The following EXT1 variants were observed in gnomAD, a reference collection of about 807,000 sequenced individuals.
EXT1 encodes the protein exostosin-1.
In EXT1, 20 loss-of-function variants were observed where a neutral mutation model predicts 82.5. The observed-to-expected ratio is 0.24, with a 90% CI of 0.17 to 0.35. The LOEUF (loss-of-function observed/expected upper bound fraction) is 0.35. Ranked by LOEUF, EXT1 falls within the 10% of genes least tolerant of loss-of-function variation. The pLI is 1.00. For missense variants in EXT1, 757 were observed against 936.5 expected (o/e 0.81, Z 2.50); for synonymous variants, 348 against 350.8 (o/e 0.99, Z 0.09).
chr8:117,900,440 TC>T (rs1023059938), intron 1 of EXT1, among the ~76,000 whole-genome samples: 10 of 152,228 alleles, frequency 6.6e-5, no homozygotes, highest in South Asian at 2.1e-4. Flanking sequence ...CTTCCTGAGT[TC>T]ATTCCAATTC....
chr8:117,806,228 T>G (rs1483243155), intron 9 of EXT1, among the ~76,000 whole-genome samples: 2 of 152,234 alleles, frequency 1.3e-5, no homozygotes, highest in Non-Finnish European at 2.9e-5. Flanking sequence ...TTATAGCCTC[T>G]TCTCAACATA....
intron 1 of EXT1, among the ~76,000 whole-genome samples, chr8:118,104,132 C>T (rs983240803): frequency 6.6e-6 from 1 of 152,168 alleles, no homozygotes; most frequent in Non-Finnish European, 1.5e-5. Flanking sequence ...GGCCTACATT[C>T]TAATCTGTAA....
intron 1 of EXT1, among the ~76,000 whole-genome samples, chr8:117,979,643 G>A (rs2129762216): frequency 6.6e-6 from 1 of 152,190 alleles, no homozygotes; most frequent in Non-Finnish European, 1.5e-5. Context: ...CCACATTTTA[G>A]TAACTAGACC....
At chr8:117,884,524 T>G (rs1381856842) in intron 1 of EXT1, among the ~76,000 whole-genome samples, 3 of 152,200 alleles carry the variant, frequency 2.0e-5, no homozygotes, top group Non-Finnish European at 2.9e-5. Flanking sequence ...AGCCACTGAT[T>G]ACAGTAAACA....
rs117339565 is a variant in EXT1, at chr8:118,072,698, C to T, written c.962+37387G>A. Among the ~76,000 whole-genome samples, 426 of 152,318 alleles carry T rather than the reference C, an allele frequency of 2.8e-3. 13 individuals carry two copies. The East Asian group carries it at 0.069, about 25-fold the overall frequency. ...TTTCTGTTCATCCAACTTAATCATA[C>T]CAACATCTTAGCTTGGCCGTGTCTT... On this transcript the variant is annotated intron_variant, in intron 1 of 10. Coordinates refer to ENST00000378204, the MANE Select transcript of EXT1 (RefSeq NM_000127.3).
intron 1 of EXT1, among the ~76,000 whole-genome samples, chr8:117,980,444 T>C (rs554712544): frequency 5.9e-5 from 9 of 152,330 alleles, no homozygotes; most frequent in African/African-American, 2.2e-4. Flanking sequence ...CCTCCAGTGA[T>C]GGGGATCCTT....
At chr8:117,954,999 ATCTCATGACTCC>A (rs1814559709) in intron 1 of EXT1, among the ~76,000 whole-genome samples, 1 of 152,198 alleles carries the variant, frequency 6.6e-6, no homozygotes, top group African/African-American at 2.4e-5. Flanking sequence ...AAGTCAGGGG[ATCTCATGACTCC>A]CTCCTCAAGT....
chr8:117,888,909 G>A (rs1252860415), intron 1 of EXT1, among the ~76,000 whole-genome samples: 1 of 152,144 alleles, frequency 6.6e-6, no homozygotes, highest in African/African-American at 2.4e-5. Context: ...TGCTCTTTCT[G>A]CTATTAATGT....
chr8:117,998,158 T>G (rs1453549390), intron 1 of EXT1, among the ~76,000 whole-genome samples: 1 of 151,704 alleles, frequency 6.6e-6, no homozygotes, highest in Non-Finnish European at 1.5e-5. Context: ...GGATTACAAG[T>G]GCCCACCAAC....
At chr8:117,972,296 T>A (rs1007014865) in intron 1 of EXT1, among the ~76,000 whole-genome samples, 1 of 152,238 alleles carries the variant, frequency 6.6e-6, no homozygotes. Context: ...CTTTTGCCTA[T>A]GCATTTTTCA....
chr8:117,969,802 AG>A (rs1311353954), intron 1 of EXT1, among the ~76,000 whole-genome samples: 3 of 152,238 alleles, frequency 2.0e-5, no homozygotes, highest in Admixed American at 1.3e-4. Context: ...AGCACTCTGA[AG>A]AAATGCACTT....
rs532432910 is a variant in EXT1, at chr8:117,918,874, G to A, written c.963-81673C>T. On this transcript the variant is annotated intron_variant, in intron 1 of 10. Transcript: ENST00000378204. ...CTTATTACATATGAGAATATCCACTGACATGATGTGTTAGTCACACTGTTG... is the reference window on the plus strand; with the variant it reads ...CTTATTACATATGAGAATATCCACTAACATGATGTGTTAGTCACACTGTTG... 1.6e-3 allele frequency among the ~76,000 whole-genome samples: 244 copies of A among 152,202 alleles called. 1 individual carries two copies. The highest frequency in any genetic ancestry group is 5.6e-3 in the African/African-American group (234 of 41,552).
chr8:118,076,154 A>G (rs1817204296), intron 1 of EXT1, among the ~76,000 whole-genome samples: 1 of 152,198 alleles, frequency 6.6e-6, no homozygotes, highest in Non-Finnish European at 1.5e-5. Context: ...TTGCTTTATA[A>G]GAGTTATATG....
At chr8:117,846,872 A>G (rs1587008491) in intron 1 of EXT1, among the ~76,000 whole-genome samples, 1 of 151,946 alleles carries the variant, frequency 6.6e-6, no homozygotes, top group Admixed American at 6.6e-5. Context: ...CTGTGGAGGG[A>G]GCACTTCTTC....
chr8:118,016,006 C>T (rs1487226980), intron 1 of EXT1, among the ~76,000 whole-genome samples: 5 of 152,212 alleles, frequency 3.3e-5, no homozygotes, highest in African/African-American at 1.2e-4. Flanking sequence ...AGGAAGGAAA[C>T]CTATAGGCTT....
At chr8:117,903,710 A>T (rs1586275427) in intron 1 of EXT1, among the ~76,000 whole-genome samples, 1 of 152,234 alleles carries the variant, frequency 6.6e-6, no homozygotes, top group East Asian at 1.9e-4. Flanking sequence ...TGCCACAGAC[A>T]GTCTTTATCA....
Position 117,939,569 on chromosome 8 carries a change from C to CT in EXT1, c.963-102369dup, listed in dbSNP as rs1279294971. Among the ~76,000 whole-genome samples the CT allele has an allele frequency of 8.0e-5, 7 of 87,828 alleles. No homozygotes were observed. The East Asian group carries it at 1.6e-3, about 20-fold the overall frequency. The allele number at this position is 87,828 out of a possible 152,430, so 57.6% of individuals were successfully genotyped here. On this transcript the variant is annotated intron_variant, in intron 1 of 10. Coordinates refer to ENST00000378204, the MANE Select transcript of EXT1 (RefSeq NM_000127.3). ...GGGCAACAAGAGTGAAACTCCATCT[C>CT]TGAAAAAAAAAAAAAAAGAAAAAGA...
intron 1 of EXT1, among the ~76,000 whole-genome samples, chr8:117,929,308 G>A (rs1362344420): frequency 6.6e-6 from 1 of 152,268 alleles, no homozygotes; most frequent in Admixed American, 6.5e-5. Context: ...TGATCCACAG[G>A]CAGAAGGCTA....
intron 1 of EXT1, among the ~76,000 whole-genome samples, chr8:117,902,576 C>T (rs903532033): frequency 2.5e-4 from 34 of 135,512 alleles, no homozygotes; most frequent in Non-Finnish European, 9.9e-5. Context: ...CTTGGCCATG[C>T]ATTGTTATAA....
Sources: allele counts gnomAD v4.1 joint callset (sites outside exome capture counted in the v4.1 genomes callset), GRCh38; gene constraint gnomAD v4.1.1; transcripts MANE v1.5; gene names NCBI Gene and HGNC (gene_info 2026-07-23, HGNC 2026-07-21).